Variants in STAMBPL1 observed in about 807,000 individuals in gnomAD.
STAMBPL1 encodes the protein AMSH-like protease.
In STAMBPL1, 44 loss-of-function variants were observed where a neutral mutation model predicts 52.9. The ratio of observed to expected loss-of-function variants is 0.83; its 90% CI spans 0.65 to 1.07. The LOEUF is 1.07. Ranked by LOEUF, STAMBPL1 falls within the 50% of genes least tolerant of loss-of-function variation. The probability of loss-of-function intolerance (pLI) is 0.00; values close to 1 mark genes in which losing one functional copy is unlikely to be tolerated. For missense variants in STAMBPL1, 511 were observed against 520.8 expected (o/e 0.98, Z 0.18); for synonymous variants, 164 against 177.3 (o/e 0.92, Z 0.60).
rs140578774 is a variant in STAMBPL1, at chr10:88,883,908, T to C, written c.-54+3270T>C. Reference sequence around the variant, plus strand: ...TGTTATGACTCCTTTTTTTTTGTTTTTGTTTTAGTTCTGACTTTCCATCTC... The same window carrying C: ...TGTTATGACTCCTTTTTTTTTGTTTCTGTTTTAGTTCTGACTTTCCATCTC... On this transcript the variant is annotated intron_variant, in intron 1 of 10. Coordinates refer to ENST00000371926, the MANE Select transcript of STAMBPL1 (RefSeq NM_020799.4). Among the ~76,000 whole-genome samples the C allele has an allele frequency of 4.0e-3, 610 of 152,326 alleles. 2 individuals are homozygous for C. Among genetic ancestry groups the C allele is most frequent in the Middle Eastern group, 0.014 (4 of 294 alleles).
intron 1 of STAMBPL1, among the ~76,000 whole-genome samples, chr10:88,895,142 A>G (rs1231794337): frequency 6.6e-6 from 1 of 152,170 alleles, no homozygotes; most frequent in Non-Finnish European, 1.5e-5. Flanking sequence ...CTTGGACTTG[A>G]CCCTTCTAGG....
chr10:88,907,104 T>C (rs1276417610), intron 3 of STAMBPL1, among the ~76,000 whole-genome samples: 1 of 152,166 alleles, frequency 6.6e-6, no homozygotes, highest in Non-Finnish European at 1.5e-5. Context: ...TCCTTCTACA[T>C]TGTAAGTGAG....
At chr10:88,890,837 T>C (rs1326239626) in intron 1 of STAMBPL1, among the ~76,000 whole-genome samples, 1 of 152,272 alleles carries the variant, frequency 6.6e-6, no homozygotes, top group Non-Finnish European at 1.5e-5. Flanking sequence ...TTTCTTTCAC[T>C]GCTCTTCAGT....
At chr10:88,899,877 G>A (rs545514597) in intron 1 of STAMBPL1, among the ~76,000 whole-genome samples, 1 of 152,166 alleles carries the variant, frequency 6.6e-6, no homozygotes, top group South Asian at 2.1e-4. Context: ...TCCCTCCCCG[G>A]CTTCACATTC....
intron 10 of STAMBPL1, 130 bp from the exon 11 acceptor site, chr10:88,923,038 G>A (rs111719025): frequency 6.4e-5 from 43 of 672,428 alleles, no homozygotes; most frequent in African/African-American, 5.6e-4. Flanking sequence ...TATTTGTTCT[G>A]ATTGGAAATA....
At position 88,913,164 on chromosome 10, in the gene STAMBPL1, A is replaced by G. The variant is rs1269852035; in HGVS notation, c.484A>G (p.Lys162Glu). Residue 162 changes from lysine to glutamate, a missense_variant, in exon 6 of 11, where the codon AAG (lysine) becomes GAG (glutamate). By Grantham distance (56) the Lys-to-Glu change is moderately conservative. Around this residue, in one of 3 missense-constraint regions of STAMBPL1, gnomAD observed 358 missense variants for 343.5 expected, o/e 1.04. Transcript: ENST00000371926. ...EHQRLIEAERKRIAQMRQQQL... is the reference protein window; with the variant it reads ...EHQRLIEAERERIAQMRQQQL... ...TCAGAGATTGATAGAGGCAGAAAGGAAGCGGATTGCTCAGATGCGCCAGCA... is the reference window on the plus strand; with the variant it reads ...TCAGAGATTGATAGAGGCAGAAAGGGAGCGGATTGCTCAGATGCGCCAGCA... 4 of 1,613,658 alleles carry G rather than the reference A, an allele frequency of 2.5e-6. No homozygotes were observed. The highest frequency in any genetic ancestry group is 3.4e-6 in the Non-Finnish European group (4 of 1,179,744).
intron 8 of STAMBPL1, 28 bp from the exon 9 acceptor site, chr10:88,921,255 G>A (rs1393697526): frequency 3.8e-6 from 6 of 1,579,380 alleles, no homozygotes; most frequent in Middle Eastern, 1.7e-4. Context: ...AGCTATCCTA[G>A]TAAGATTATC....
chr10:88,901,598 G>T, intron 1 of STAMBPL1, 58 bp from the exon 2 acceptor site: 1 of 1,091,102 alleles, frequency 9.2e-7, no homozygotes, highest in South Asian at 1.5e-5. Flanking sequence ...TGGGGTTTGG[G>T]ATTTCAAACT....
chr10:88,908,857 C>T, intron 4 of STAMBPL1, 80 bp downstream of exon 4: 1 of 1,157,412 alleles, frequency 8.6e-7, no homozygotes, highest in Non-Finnish European at 1.2e-6. Context: ...CCCTTCCTCC[C>T]CTTTCTCTTT....
chr10:88,903,678 G>T (rs1163269120), intron 2 of STAMBPL1, among the ~76,000 whole-genome samples: 3 of 152,154 alleles, frequency 2.0e-5, no homozygotes, highest in Non-Finnish European at 4.4e-5. Context: ...GTGCTGTTGA[G>T]TTCTATAGCC....
intron 1 of STAMBPL1, among the ~76,000 whole-genome samples, chr10:88,893,073 C>T (rs1844727096): frequency 6.6e-6 from 1 of 152,150 alleles, no homozygotes. Context: ...GGTAGCTTAT[C>T]TTTAGAAATG....
rs182351924 is a variant in STAMBPL1, at chr10:88,919,910, A to T, written c.1042-1373A>T. ...GAGTGCAGTAGAGTGATCACAGCTC[A>T]CTGCAGCCTCAACCTCCCTGGCTCA... On this transcript the variant is annotated intron_variant, in intron 8 of 10. Transcript: ENST00000371926. 1.8e-3 allele frequency among the ~76,000 whole-genome samples: 265 copies of T among 151,372 alleles called. 4 individuals carry two copies. Among genetic ancestry groups the T allele is most frequent in the Non-Finnish European group, 1.4e-3 (95 of 67,874 alleles).
At position 88,903,186 on chromosome 10, in the gene STAMBPL1, A is replaced by G. The variant is rs540158479; in HGVS notation, c.30+1448A>G. Among the ~76,000 whole-genome samples the G allele has an allele frequency of 3.9e-5, 6 of 152,364 alleles. No individual in the cohort carries two copies. In the South Asian group the frequency reaches 8.3e-4, roughly 21 times the overall value. On this transcript the variant is annotated intron_variant, in intron 2 of 10. Transcript: ENST00000371926. ...TCCAAGAAGTCTGCATGCAAATGAAATATTATAGATTGATGAAGACTTTAG... is the reference window on the plus strand; with the variant it reads ...TCCAAGAAGTCTGCATGCAAATGAAGTATTATAGATTGATGAAGACTTTAG...
chr10:88,914,712 T>C lies in STAMBPL1; in HGVS notation c.903+54T>C, dbSNP rs1047391855. The C allele has an allele frequency of 1.4e-5, 11 of 779,958 alleles. No individual in the cohort carries two copies. In the African/African-American group the frequency reaches 2.0e-4, roughly 14 times the overall value. 48.3% of individuals were successfully genotyped at this position (779,958 alleles called of 1,614,324 possible). On this transcript the variant is annotated intron_variant, in intron 7 of 10. Coordinates refer to ENST00000371926, the MANE Select transcript of STAMBPL1 (RefSeq NM_020799.4). ...TATATATATCTGCATAGGATACTTT[T>C]AATAGTACTAGATTTCTTCTGATAA...
intron 1 of STAMBPL1, among the ~76,000 whole-genome samples, chr10:88,898,928 A>G (rs764026496): frequency 6.6e-5 from 10 of 152,200 alleles, no homozygotes; most frequent in Non-Finnish European, 1.2e-4. Flanking sequence ...TCATGCTTTG[A>G]AATAGAAACT....
intron 1 of STAMBPL1, among the ~76,000 whole-genome samples, chr10:88,883,649 C>T (rs936122323): frequency 3.3e-5 from 5 of 152,222 alleles, no homozygotes; most frequent in African/African-American, 1.2e-4. Context: ...ACTGCTGAGT[C>T]TTCAAAACAC....
chr10:88,899,732 A>G (rs541907175), intron 1 of STAMBPL1, among the ~76,000 whole-genome samples: 1 of 150,670 alleles, frequency 6.6e-6, no homozygotes, highest in African/African-American at 2.4e-5. Flanking sequence ...CTGGTCTTGA[A>G]CTCCTGACCT....
rs1278562626 is a variant in STAMBPL1, at chr10:88,923,185, G to A, written c.1272G>A (p.Leu424=). Residue 424 remains leucine, a synonymous_variant, in exon 11 of 11, where the codon TTG becomes TTA. Transcript: ENST00000371926. ...PRLFSICKHV[L]VKDIKIIVLD... Reference sequence around the variant, plus strand: ...TTTCCTAGATATGCAAACATGTGTTGGTAAAAGACATAAAAATAATTGTGT... The same window carrying A: ...TTTCCTAGATATGCAAACATGTGTTAGTAAAAGACATAAAAATAATTGTGT... 3 of 1,604,578 alleles carry A rather than the reference G, an allele frequency of 1.9e-6. No homozygotes were observed. Among genetic ancestry groups the A allele is most frequent in the South Asian group, 2.2e-5 (2 of 88,920 alleles).
intron 8 of STAMBPL1, among the ~76,000 whole-genome samples, chr10:88,919,033 T>C (rs147357543): frequency 6.6e-4 from 100 of 152,310 alleles, no homozygotes; most frequent in African/African-American, 2.1e-3. Flanking sequence ...TGTAATGACT[T>C]TTTATGACGG....
Sources: gnomAD v4.1 joint callset for allele counts (sites outside exome capture counted in the v4.1 genomes callset) on GRCh38, gnomAD v4.1.1 for gene constraint, gnomAD v4.1.1 regional missense constraint, MANE v1.5 for transcripts, NCBI Gene and HGNC (gene_info 2026-07-23, HGNC 2026-07-21) for gene names.